TRPS1: variants seen among roughly 807,000 people sequenced by gnomAD.
TRPS1 encodes the protein transcriptional repressor GATA binding 1, also known as zinc finger transcription factor Trps1.
TRPS1 carries 6 observed loss-of-function variants against 101.2 expected under a neutral mutation model. That is an observed-to-expected ratio of 0.06 (90% CI 0.03 to 0.12). The LOEUF (loss-of-function observed/expected upper bound fraction) is 0.12. Among genes scored for constraint, TRPS1 ranks in the 10% least tolerant of loss-of-function variants. TRPS1 has a pLI of 1.00. For missense variants in TRPS1, 1,363 were observed against 1,567.0 expected (o/e 0.87, Z 2.20); for synonymous variants, 578 against 589.8 (o/e 0.98, Z 0.29).
intron 3 of TRPS1, among the ~76,000 whole-genome samples, chr8:115,617,819 G>T (rs1403552603): frequency 6.6e-6 from 1 of 152,142 alleles, no homozygotes; most frequent in Non-Finnish European, 1.5e-5. Flanking sequence ...GGGTTAATTT[G>T]CTGCTCCACA....
intron 4 of TRPS1, among the ~76,000 whole-genome samples, chr8:115,599,846 G>T (rs568923447): frequency 2.6e-5 from 4 of 151,280 alleles, no homozygotes; most frequent in African/African-American, 9.6e-5. Flanking sequence ...AATCCTTTGC[G>T]TATATACCCA....
At chr8:115,581,184 T>C (rs1249408438) in intron 5 of TRPS1, among the ~76,000 whole-genome samples, 1 of 150,872 alleles carries the variant, frequency 6.6e-6, no homozygotes, top group Non-Finnish European at 1.5e-5. Context: ...CACTTATATG[T>C]GGAAGCTAAA....
intron 5 of TRPS1, among the ~76,000 whole-genome samples, chr8:115,504,362 T>C (rs1240965332): frequency 1.3e-5 from 2 of 152,162 alleles, no homozygotes; most frequent in Admixed American, 6.5e-5. Context: ...GCAAATCAAT[T>C]ATAGAATGAT....
intron 5 of TRPS1, among the ~76,000 whole-genome samples, chr8:115,424,818 G>A (rs1183865580): frequency 6.6e-6 from 1 of 152,174 alleles, no homozygotes; most frequent in Non-Finnish European, 1.5e-5. Context: ...GAGTTGACAT[G>A]ACTTAATGTG....
intron 1 of TRPS1, among the ~76,000 whole-genome samples, chr8:115,632,158 T>C (rs930523960): frequency 6.6e-6 from 1 of 152,120 alleles, no homozygotes; most frequent in Non-Finnish European, 1.5e-5. Flanking sequence ...ATTTGGATGA[T>C]TATGTATGTT....
chr8:115,637,126 A>G, intron 1 of TRPS1: 1 of 411,242 alleles, frequency 2.4e-6, no homozygotes, highest in Non-Finnish European at 3.3e-6. Context: ...TACAGGGGAC[A>G]GAAAAGGGGA....
intron 5 of TRPS1, among the ~76,000 whole-genome samples, chr8:115,435,831 G>A (rs896689617): frequency 3.3e-5 from 5 of 151,974 alleles, no homozygotes; most frequent in African/African-American, 4.8e-5. Context: ...TTAAATTATC[G>A]CCTCATGGAA....
rs139434046 is a variant in TRPS1 at position 115,561,637 on chromosome 8, C to T, written c.2700+25364G>A. Among the ~76,000 whole-genome samples, 261 of 152,102 alleles carry T rather than the reference C, an allele frequency of 1.7e-3. 2 individuals are homozygous for T. Among genetic ancestry groups the T allele is most frequent in the African/African-American group, 6.1e-3 (253 of 41,510 alleles). On this transcript the variant is annotated intron_variant, in intron 5 of 6. Coordinates refer to ENST00000395715, the MANE Select transcript of TRPS1 (RefSeq NM_014112.5). Reference sequence around the variant, plus strand: ...AGGATAAATTGAACGAAACCTGCTACAGGAGGAACGATAACCTGAGTAAAG... The same window carrying T: ...AGGATAAATTGAACGAAACCTGCTATAGGAGGAACGATAACCTGAGTAAAG...
At chr8:115,582,629 T>C (rs1817477246) in intron 5 of TRPS1, among the ~76,000 whole-genome samples, 1 of 152,270 alleles carries the variant, frequency 6.6e-6, no homozygotes, top group South Asian at 2.1e-4. Context: ...AAGCGACAGA[T>C]GAACGGAGAT....
chr8:115,416,346 A>T (rs1468715241), intron 6 of TRPS1, among the ~76,000 whole-genome samples: 1 of 151,752 alleles, frequency 6.6e-6, no homozygotes, highest in Non-Finnish European at 1.5e-5. Flanking sequence ...TGATAAATTA[A>T]TGCGTATTTA....
At chr8:115,548,102 C>T (rs1043698311) in intron 5 of TRPS1, among the ~76,000 whole-genome samples, 13 of 151,440 alleles carry the variant, frequency 8.6e-5, no homozygotes, top group African/African-American at 2.9e-4. Context: ...GTGTGGTTGG[C>T]GCATGCCTCT....
At chr8:115,620,704 C>T (rs1027492340) in intron 2 of TRPS1, among the ~76,000 whole-genome samples, 5 of 152,176 alleles carry the variant, frequency 3.3e-5, no homozygotes, top group Admixed American at 6.5e-5. Flanking sequence ...GGATGACAAA[C>T]GTTCCAGCTC....
intron 6 of TRPS1, among the ~76,000 whole-genome samples, chr8:115,416,066 A>C (rs1460966287): frequency 1.3e-5 from 2 of 152,070 alleles, no homozygotes; most frequent in Non-Finnish European, 2.9e-5. Flanking sequence ...TTACTTGTTA[A>C]TAGTGAAGCA....
chr8:115,417,182 T>C (rs949292000), intron 6 of TRPS1, among the ~76,000 whole-genome samples: 2 of 152,164 alleles, frequency 1.3e-5, no homozygotes, highest in African/African-American at 4.8e-5. Context: ...TTAAAATCAT[T>C]AATGTCAGTT....
intron 5 of TRPS1, among the ~76,000 whole-genome samples, chr8:115,419,987 T>C (rs1444326511): frequency 6.6e-6 from 1 of 152,148 alleles, no homozygotes; most frequent in Non-Finnish European, 1.5e-5. Flanking sequence ...ATGAGAGCAA[T>C]AACTTAACAA....
At chr8:115,558,936 A>C (rs1483126280) in intron 5 of TRPS1, among the ~76,000 whole-genome samples, 1 of 152,146 alleles carries the variant, frequency 6.6e-6, no homozygotes, top group Non-Finnish European at 1.5e-5. Context: ...TACCTAAAAA[A>C]ATTCATATGT....
intron 5 of TRPS1, among the ~76,000 whole-genome samples, chr8:115,437,987 G>C (rs1813497214): frequency 6.6e-6 from 1 of 152,042 alleles, no homozygotes; most frequent in Non-Finnish European, 1.5e-5. Flanking sequence ...TGTTTTATGA[G>C]GTTATTAAGG....
intron 5 of TRPS1, among the ~76,000 whole-genome samples, chr8:115,420,287 C>T (rs1021615311): frequency 2.0e-5 from 3 of 152,186 alleles, no homozygotes; most frequent in African/African-American, 7.2e-5. Context: ...CTGCTTCCCC[C>T]AAAATCAATG....
At position 115,629,914 on chromosome 8, in the gene TRPS1, A is replaced by G. The variant is rs79992526; in HGVS notation, c.-121-6156T>C. Among the ~76,000 whole-genome samples the G allele has an allele frequency of 1.2e-3, 188 of 152,054 alleles. No individual in the cohort carries two copies. In the East Asian group the frequency reaches 0.031, roughly 25 times the overall value. ...GGTCACAATCAGTAAACACATGTCTATTATAGACCCTATCTCACCCTTGAA... is the reference window on the plus strand; with the variant it reads ...GGTCACAATCAGTAAACACATGTCTGTTATAGACCCTATCTCACCCTTGAA... On this transcript the variant is annotated intron_variant, in intron 1 of 6. Transcript: ENST00000395715.
Sources: gnomAD v4.1 joint callset for allele counts (sites outside exome capture counted in the v4.1 genomes callset) on GRCh38, gnomAD v4.1.1 for gene constraint, MANE v1.5 for transcripts, NCBI Gene and HGNC (gene_info 2026-07-23, HGNC 2026-07-21) for gene names.